ARHGAP44: variants seen among roughly 807,000 people sequenced by gnomAD.
ARHGAP44 encodes Rho GTPase activating protein 44, also known as rho GTPase-activating protein 44.
In ARHGAP44, 43 loss-of-function variants were observed where a neutral mutation model predicts 106.8. The ratio of observed to expected loss-of-function variants is 0.40; its 90% CI spans 0.32 to 0.52. ARHGAP44 has a LOEUF of 0.52. Ranked by LOEUF, ARHGAP44 falls within the 20% of genes least tolerant of loss-of-function variation. The pLI is 0.48. For missense variants in ARHGAP44, 866 were observed against 1,050.5 expected (o/e 0.82, Z 2.43); for synonymous variants, 439 against 410.3 (o/e 1.07, Z -0.85).
intron 17 of ARHGAP44, chr17:12,973,714 G>T (rs1025239075): frequency 1.6e-4 from 77 of 478,884 alleles, no homozygotes; most frequent in Non-Finnish European, 1.7e-4. Context: ...TGCCCCCCCA[G>T]TTAGGCCACA....
At chr17:12,796,215 G>GT (rs1030941026) in intron 1 of ARHGAP44, among the ~76,000 whole-genome samples, 15 of 149,490 alleles carry the variant, frequency 1.0e-4, no homozygotes, top group East Asian at 7.9e-4. Context: ...TTTGTAACCT[G>GT]TTTTTTTTTC....
intron 8 of ARHGAP44, among the ~76,000 whole-genome samples, chr17:12,942,291 C>T (rs1043273384): frequency 1.1e-4 from 17 of 152,188 alleles, no homozygotes; most frequent in Admixed American, 3.9e-4. Context: ...GGACTACAGG[C>T]GCATGCCGCC....
chr17:12,935,488 T>C (rs377528060), intron 7 of ARHGAP44, among the ~76,000 whole-genome samples: 7 of 151,428 alleles, frequency 4.6e-5, no homozygotes, highest in African/African-American at 1.7e-4. Flanking sequence ...GAGAATCACT[T>C]GAACCTGGGA....
Position 12,938,602 on chromosome 17 carries a change from A to C in ARHGAP44, c.583-2454A>C, listed in dbSNP as rs199550519. The stretch of plus-strand genomic sequence containing the variant: ...TATATTAAAAAAAAAAAAAAAAAAA[A>C]ACAGCTGCCTGGTGGGATTACAGGT... On this transcript the variant is annotated intron_variant, in intron 7 of 20. Transcript: ENST00000379672. Among the ~76,000 whole-genome samples the C allele has an allele frequency of 4.0e-5, 6 of 151,666 alleles. No individual in the cohort carries two copies. The South Asian group carries it at 8.4e-4, about 21-fold the overall frequency.
rs193292060 is a variant in ARHGAP44 at position 12,967,071 on chromosome 17, C to G, written c.1524-6231C>G. On this transcript the variant is annotated intron_variant, in intron 16 of 20. Transcript: ENST00000379672. ...TCTTCTTCCTTCTCCTCCTCCTTCC[C>G]CTGCCCCAACCCCAGCACCCTTCTT... 2.8e-3 allele frequency among the ~76,000 whole-genome samples: 422 copies of G among 150,932 alleles called. 3 individuals are homozygous for G. The highest frequency in any genetic ancestry group is 9.6e-3 in the African/African-American group (397 of 41,142).
chr17:12,894,876 G>C, intron 1 of ARHGAP44, 64 bp from the exon 2 acceptor site: 1 of 1,427,782 alleles, frequency 7.0e-7, no homozygotes, highest in Non-Finnish European at 9.7e-7. Context: ...GAAGAGATTA[G>C]GGAGTAATTA....
chr17:12,940,679 G>C (rs781177740), intron 7 of ARHGAP44, among the ~76,000 whole-genome samples: 11 of 152,180 alleles, frequency 7.2e-5, no homozygotes, highest in Non-Finnish European at 1.6e-4. Flanking sequence ...TGATCAAAGA[G>C]AAGAAATGGC....
chr17:12,952,725 T>A, intron 13 of ARHGAP44, 144 bp downstream of exon 13: 3 of 67,916 alleles, frequency 4.4e-5, no homozygotes, highest in Non-Finnish European at 6.8e-5. Flanking sequence ...ATGGTCTCTT[T>A]TTTTTTTTTT....
chr17:12,824,515 G>A (rs1347345503), intron 1 of ARHGAP44, among the ~76,000 whole-genome samples: 2 of 151,974 alleles, frequency 1.3e-5, no homozygotes, highest in African/African-American at 4.8e-5. Flanking sequence ...CAGACTTCCT[G>A]TTGTCACCTG....
chr17:12,982,380 C>T (rs988161240), intron 19 of ARHGAP44, among the ~76,000 whole-genome samples: 1 of 151,582 alleles, frequency 6.6e-6, no homozygotes, highest in African/African-American at 2.4e-5. Flanking sequence ...ACATCCTATT[C>T]CTGTCACCAC....
chr17:12,958,624 C>T lies in ARHGAP44; in HGVS notation c.1343-93C>T, dbSNP rs763509749. On this transcript the variant is annotated intron_variant, in intron 15 of 20. Coordinates refer to ENST00000379672, the MANE Select transcript of ARHGAP44 (RefSeq NM_014859.6). The surrounding 1 kb of genome is among the most constrained non-coding windows in gnomAD (Gnocchi z 4.1). The stretch of plus-strand genomic sequence containing the variant: ...GATGAAATTTTCTAGGGATGACATA[C>T]GAGGGAGTGGGTGTCTGGACTCATT... 1.1e-4 allele frequency: 138 copies of T among 1,218,618 alleles called. No individual in the cohort carries two copies. The highest frequency in any genetic ancestry group is 9.4e-4 in the Admixed American group (43 of 45,742). The allele number at this position is 1,218,618 out of a possible 1,614,324, so 75.5% of individuals were successfully genotyped here. A position where few individuals can be genotyped will look rare whatever the true frequency, so the allele number is the denominator to read the frequency against.
At chr17:12,922,939 G>A (rs1019758723) in intron 6 of ARHGAP44, among the ~76,000 whole-genome samples, 23 of 152,240 alleles carry the variant, frequency 1.5e-4, no homozygotes, top group African/African-American at 5.1e-4. Flanking sequence ...CCTCTCCCCT[G>A]TGATTTAACA....
In ARHGAP44 at chr17:12,926,488, GTATAATATATGTATATA is replaced by G. The variant is rs1260131436; in HGVS notation, c.465-2437_465-2421del. On this transcript the variant is annotated intron_variant, in intron 6 of 20. Transcript: ENST00000379672. ...TATAATATATATAATATATATGTATGTATAATATATGTATATATATTATATATGCATATATATTATAC... is the reference window on the plus strand; with the variant it reads ...TATAATATATATAATATATATGTATGTATTATATATGCATATATATTATAC... Among the ~76,000 whole-genome samples the G allele has an allele frequency of 6.9e-3, 983 of 141,734 alleles. 3 individuals carry two copies. The highest frequency in any genetic ancestry group is 0.011 in the Admixed American group (158 of 13,836). 93.0% of individuals were successfully genotyped at this position (141,734 alleles called of 152,430 possible).
intron 1 of ARHGAP44, among the ~76,000 whole-genome samples, chr17:12,832,213 T>C (rs2035110823): frequency 6.6e-6 from 1 of 152,078 alleles, no homozygotes; most frequent in Non-Finnish European, 1.5e-5. Context: ...AAAGGATAAT[T>C]TGATGGATAG....
At chr17:12,976,694 T>C (rs1359775532) in intron 18 of ARHGAP44, among the ~76,000 whole-genome samples, 1 of 150,130 alleles carries the variant, frequency 6.7e-6, no homozygotes, top group Non-Finnish European at 1.5e-5. Context: ...TCTTAGAGCA[T>C]AGGAGGGGGC....
At chr17:12,819,856 A>G (rs2150794183) in intron 1 of ARHGAP44, among the ~76,000 whole-genome samples, 1 of 151,972 alleles carries the variant, frequency 6.6e-6, no homozygotes, top group Non-Finnish European at 1.5e-5. Context: ...CTGCCCCCTC[A>G]TTGTTGCTTG....
chr17:12,896,375 C>G, intron 2 of ARHGAP44, 32 bp from the exon 3 acceptor site: 1 of 1,556,374 alleles, frequency 6.4e-7, no homozygotes, highest in South Asian at 1.2e-5. Context: ...CTTGCCCTCT[C>G]TCAGTGGCAC....
At chr17:12,891,057 G>A (rs1038194238) in intron 1 of ARHGAP44, among the ~76,000 whole-genome samples, 3 of 152,028 alleles carry the variant, frequency 2.0e-5, no homozygotes, top group African/African-American at 7.2e-5. Context: ...CCATATTTCT[G>A]CCCACATTGT....
chr17:12,974,001 A>T (rs1181382430), intron 17 of ARHGAP44, 88 bp from the exon 18 acceptor site: 2 of 1,374,058 alleles, frequency 1.5e-6, no homozygotes, highest in African/African-American at 1.4e-5. Context: ...TCTTCTCCCA[A>T]CGCGGACCTG....
Sources: allele counts gnomAD v4.1 joint callset (sites outside exome capture counted in the v4.1 genomes callset), GRCh38; gene constraint gnomAD v4.1.1; non-coding constraint Gnocchi (gnomAD v3.1); transcripts MANE v1.5; gene names NCBI Gene and HGNC (gene_info 2026-07-23, HGNC 2026-07-21).